Variants in HSD17B4 observed in about 807,000 individuals in gnomAD.
HSD17B4 encodes the protein peroxisomal multifunctional enzyme type 2.
HSD17B4 carries 70 observed loss-of-function variants against 101.0 expected under a neutral mutation model. The observed-to-expected ratio is 0.69, with a 90% confidence interval of 0.57 to 0.85. The LOEUF is 0.85. Ranked by LOEUF, HSD17B4 falls within the 40% of genes least tolerant of loss-of-function variation. The pLI, the probability that HSD17B4 is intolerant of heterozygous loss-of-function variation, is 0.00. For missense variants in HSD17B4, 984 were observed against 892.4 expected, an observed-to-expected ratio of 1.10 and a Z score of -1.31; for synonymous variants, 347 against 297.1, an observed-to-expected ratio of 1.17 and a Z score of -1.73.
intron 2 of HSD17B4, among the ~76,000 whole-genome samples, chr5:119,459,848 A>G (rs570460347): frequency 6.9e-4 from 104 of 151,494 alleles, no homozygotes; most frequent in African/African-American, 2.4e-3. Context: ...TCACAATTCA[A>G]TCACTTTTTA....
chr5:119,521,802 T>C (rs10069875), intron 17 of HSD17B4, among the ~76,000 whole-genome samples: 12,979 of 152,010 alleles, frequency 0.085, 1,371 homozygotes, highest in East Asian at 0.42. Flanking sequence ...GTGTTTGTTT[T>C]ACATCCCCAA....
chr5:119,511,602 C>T (rs770121055), intron 16 of HSD17B4, among the ~76,000 whole-genome samples: 2 of 152,002 alleles, frequency 1.3e-5, no homozygotes, highest in African/African-American at 2.4e-5. Context: ...GAGAGACCAA[C>T]GAGAGACAGT....
chr5:119,499,987 G>A (rs560440950), intron 13 of HSD17B4, among the ~76,000 whole-genome samples: 1 of 152,170 alleles, frequency 6.6e-6, no homozygotes, highest in African/African-American at 2.4e-5. Context: ...AATAGGGCCA[G>A]CATAGCTGTA....
intron 2 of HSD17B4, among the ~76,000 whole-genome samples, chr5:119,471,088 C>G (rs1312329073): frequency 6.6e-6 from 1 of 152,138 alleles, no homozygotes; most frequent in African/African-American, 2.4e-5. Context: ...ACTTAAGTAT[C>G]ACGTTTTCTA....
chr5:119,473,099 A>G (rs575279853), intron 2 of HSD17B4, among the ~76,000 whole-genome samples: 5 of 152,166 alleles, frequency 3.3e-5, no homozygotes, highest in Admixed American at 6.5e-5. Context: ...GAGTGCTAAT[A>G]TCCTTTGTTA....
intron 16 of HSD17B4, 36 bp from the exon 17 acceptor site, chr5:119,514,945 G>A (rs779108531): frequency 2.7e-6 from 3 of 1,123,004 alleles, no homozygotes; most frequent in Non-Finnish European, 4.1e-6. Flanking sequence ...ATGATAATTT[G>A]TATTTAAGAT....
intron 8 of HSD17B4, among the ~76,000 whole-genome samples, chr5:119,488,372 G>A (rs969278720): frequency 3.3e-5 from 5 of 152,180 alleles, no homozygotes; most frequent in Admixed American, 2.6e-4. Flanking sequence ...TTGGCTAAGG[G>A]CTACGAAAGT....
At chr5:119,505,953 G>A (rs1194118037) in intron 14 of HSD17B4, among the ~76,000 whole-genome samples, 2 of 152,036 alleles carry the variant, frequency 1.3e-5, no homozygotes, top group African/African-American at 4.8e-5. Context: ...TTGAAATTTA[G>A]CGATTCCGGT....
intron 8 of HSD17B4, chr5:119,487,467 A>G (rs1384495107): frequency 1.3e-5 from 2 of 151,890 alleles, no homozygotes; most frequent in South Asian, 2.1e-4. Context: ...GACTTCTCTG[A>G]TCTTTTATTT....
Position 119,475,687 on chromosome 5 carries a change from G to T in HSD17B4, c.281-19G>T. On this transcript the variant is annotated intron_variant, in intron 4 of 23. Transcript: ENST00000510025. ...ATATGCTTGCTTTTAGATGTAACTT[G>T]TATCTTTTTATATTGTAGATGTTGT... 1 of 1,577,802 alleles carries T rather than the reference G, an allele frequency of 6.3e-7. No individual in the cohort carries two copies. Among genetic ancestry groups the T allele is most frequent in the Middle Eastern group, 2.2e-4 (1 of 4,458 alleles).
intron 2 of HSD17B4, among the ~76,000 whole-genome samples, chr5:119,467,188 A>G (rs1475601198): frequency 6.6e-6 from 1 of 152,166 alleles, no homozygotes; most frequent in Non-Finnish European, 1.5e-5. Context: ...GGCCTGACTT[A>G]TGGTCTGTTG....
intron 16 of HSD17B4, among the ~76,000 whole-genome samples, chr5:119,514,648 G>C (rs569942069): frequency 1.1e-4 from 17 of 152,278 alleles, no homozygotes; most frequent in African/African-American, 3.8e-4. Context: ...ATTTAGATGT[G>C]AATTATATGT....
intron 6 of HSD17B4, 115 bp downstream of exon 6, chr5:119,475,985 T>C (rs1748547414): frequency 4.0e-6 from 3 of 758,348 alleles, no homozygotes; most frequent in Non-Finnish European, 7.0e-6. Flanking sequence ...TTGCTGCTAA[T>C]ATAAATGATG....
intron 22 of HSD17B4, 137 bp from the exon 23 acceptor site, chr5:119,536,282 AATTG>A (rs1754527174): frequency 3.9e-6 from 3 of 764,032 alleles, no homozygotes; most frequent in Admixed American, 2.3e-5. Flanking sequence ...GATAATGTAT[AATTG>A]ATAGATAGAA....
intron 19 of HSD17B4, among the ~76,000 whole-genome samples, chr5:119,526,359 A>G (rs1753603481): frequency 6.6e-6 from 1 of 151,574 alleles, no homozygotes; most frequent in Non-Finnish European, 1.5e-5. Flanking sequence ...ATTTTCATTA[A>G]TTTAATTAAA....
At chr5:119,509,432 T>C in intron 16 of HSD17B4, 188 bp downstream of exon 16, 1 of 695,572 alleles carries the variant, frequency 1.4e-6, no homozygotes, top group Non-Finnish European at 2.6e-6. Context: ...CTCCTCAGCC[T>C]ACCCAATGTG....
intron 23 of HSD17B4, 146 bp from the exon 24 acceptor site, chr5:119,541,754 TATTAA>T (rs1171477640): frequency 3.2e-6 from 2 of 632,216 alleles, no homozygotes; most frequent in East Asian, 5.7e-5. Flanking sequence ...TATCTGTAGT[TATTAA>T]ATTGTCATTG....
intron 16 of HSD17B4, 131 bp downstream of exon 16, chr5:119,509,375 C>T (rs991975454): frequency 4.1e-6 from 3 of 735,904 alleles, no homozygotes; most frequent in South Asian, 2.8e-5. Context: ...CATCTGCCAC[C>T]CCTGGGACAC....
At chr5:119,538,033 A>G (rs572026897) in intron 23 of HSD17B4, among the ~76,000 whole-genome samples, 1 of 152,154 alleles carries the variant, frequency 6.6e-6, no homozygotes, top group African/African-American at 2.4e-5. Flanking sequence ...ACTTGGCTCC[A>G]CTTAGTCTTC....
Sources: gnomAD v4.1 joint callset for allele counts (sites outside exome capture counted in the v4.1 genomes callset) on GRCh38, gnomAD v4.1.1 for gene constraint, MANE v1.5 for transcripts, NCBI Gene and HGNC (gene_info 2026-07-23, HGNC 2026-07-21) for gene names.